MDFIC2: variants seen among roughly 807,000 people sequenced by gnomAD.
MDFIC2 encodes the protein myoD family inhibitor domain-containing protein 2.
At chr3:70,307,506 C>T (rs999075742) in intron 2 of MDFIC2, among the ~76,000 whole-genome samples, 1 of 151,920 alleles carries the variant, frequency 6.6e-6, no homozygotes, top group Non-Finnish European at 1.5e-5. Context: ...CTGTAATTTC[C>T]CCCCCCAATT....
At chr3:70,258,427 C>CAGAG in intron 2 of MDFIC2, among the ~76,000 whole-genome samples, 1 of 150,986 alleles carries the variant, frequency 6.6e-6, no homozygotes, top group Middle Eastern at 3.4e-3. Flanking sequence ...TATGTATTTA[C>CAGAG]AGAGAGAGAG....
At chr3:70,211,848 C>T (rs1701353672) in intron 2 of MDFIC2, among the ~76,000 whole-genome samples, 1 of 144,252 alleles carries the variant, frequency 6.9e-6, no homozygotes, top group Admixed American at 7.1e-5. Flanking sequence ...CTTTTCCTTC[C>T]TTTCTGCTTT....
chr3:70,212,757 A>G (rs772042378), intron 2 of MDFIC2, among the ~76,000 whole-genome samples: 13 of 152,000 alleles, frequency 8.6e-5, no homozygotes, highest in Non-Finnish European at 1.3e-4. Context: ...CACAAGTATT[A>G]ATGGCTCACT....
At position 70,217,126 on chromosome 3, in the gene MDFIC2, C is replaced by T. The variant is rs115919540; in HGVS notation, c.89-10336G>A. ...TTCCCACCCTTGACCAAAATGCTGC[C>T]TAATGAAAGTTTGTCTGTGTCAATT... On this transcript the variant is annotated intron_variant, in intron 2 of 3. Transcript: ENST00000567252. Among the ~76,000 whole-genome samples, 491 of 152,098 alleles carry T rather than the reference C, an allele frequency of 3.2e-3. 3 individuals are homozygous for T. Among genetic ancestry groups the T allele is most frequent in the African/African-American group, 0.011 (468 of 41,504 alleles).
intron 2 of MDFIC2, among the ~76,000 whole-genome samples, chr3:70,276,177 T>TA (rs1702023785): frequency 6.6e-6 from 1 of 152,190 alleles, no homozygotes; most frequent in Non-Finnish European, 1.5e-5. Context: ...GTTAGGTATA[T>TA]AGCAGGTGTT....
chr3:70,253,827 T>C (rs1701790916), intron 2 of MDFIC2, among the ~76,000 whole-genome samples: 1 of 152,196 alleles, frequency 6.6e-6, no homozygotes, highest in Non-Finnish European at 1.5e-5. Context: ...TTTAGAAAGA[T>C]GTGAAACTCT....
At chr3:70,259,643 C>T (rs1206688149) in intron 2 of MDFIC2, among the ~76,000 whole-genome samples, 1 of 152,110 alleles carries the variant, frequency 6.6e-6, no homozygotes, top group Admixed American at 6.6e-5. Flanking sequence ...GAAAGTCTGA[C>T]GTGTAAGGTC....
intron 2 of MDFIC2, among the ~76,000 whole-genome samples, chr3:70,270,444 T>G (rs1339048125): frequency 6.6e-6 from 1 of 152,176 alleles, no homozygotes; most frequent in African/African-American, 2.4e-5. Flanking sequence ...AGCACTAAGT[T>G]TTGTGTTTCA....
chr3:70,252,820 C>T (rs1001542093), intron 2 of MDFIC2, among the ~76,000 whole-genome samples: 1 of 152,144 alleles, frequency 6.6e-6, no homozygotes, highest in Non-Finnish European at 1.5e-5. Flanking sequence ...TGGCTCATGC[C>T]TGTAATCCCA....
intron 2 of MDFIC2, among the ~76,000 whole-genome samples, chr3:70,264,294 T>C (rs1701894502): frequency 1.3e-5 from 2 of 152,242 alleles, no homozygotes; most frequent in South Asian, 4.1e-4. Flanking sequence ...AAGTATACTT[T>C]TGCAATTTGC....
chr3:70,206,015 C>T (rs572442208), intron 3 of MDFIC2: 1 of 152,016 alleles, frequency 6.6e-6, no homozygotes, highest in African/African-American at 2.4e-5. Flanking sequence ...GAAATGTACT[C>T]TTTATGTCAT....
chr3:70,290,711 G>A (rs1294242777), intron 2 of MDFIC2, among the ~76,000 whole-genome samples: 8 of 152,140 alleles, frequency 5.3e-5, no homozygotes, highest in Non-Finnish European at 1.0e-4. Context: ...CAATCAGTGA[G>A]ACTCCGTGGG....
intron 3 of MDFIC2, among the ~76,000 whole-genome samples, chr3:70,200,122 G>A (rs764504297): frequency 2.6e-5 from 4 of 151,976 alleles, no homozygotes; most frequent in Non-Finnish European, 4.4e-5. Context: ...ATTCGTATTC[G>A]AAATCCACAA....
intron 2 of MDFIC2, among the ~76,000 whole-genome samples, chr3:70,250,834 G>A (rs1280729946): frequency 6.6e-6 from 1 of 152,058 alleles, no homozygotes; most frequent in African/African-American, 2.4e-5. Context: ...TTCTTTTCAG[G>A]GAAAGCCAGG....
chr3:70,287,863 T>C (rs1702183870), intron 2 of MDFIC2, among the ~76,000 whole-genome samples: 1 of 152,046 alleles, frequency 6.6e-6, no homozygotes, highest in Non-Finnish European at 1.5e-5. Context: ...TTTGTAGTAT[T>C]CTCTGATGGT....
intron 2 of MDFIC2, among the ~76,000 whole-genome samples, chr3:70,278,002 C>T (rs915931109): frequency 6.6e-6 from 1 of 152,092 alleles, no homozygotes; most frequent in Non-Finnish European, 1.5e-5. Flanking sequence ...TAAGTATATA[C>T]ATTGATCCGT....
chr3:70,287,501 A>G (rs1388295322), intron 2 of MDFIC2, among the ~76,000 whole-genome samples: 1 of 151,902 alleles, frequency 6.6e-6, no homozygotes, highest in African/African-American at 2.4e-5. Context: ...TTCATTAAGG[A>G]TATTGGTCTA....
chr3:70,218,921 C>T (rs1701438094), intron 2 of MDFIC2, among the ~76,000 whole-genome samples: 1 of 151,822 alleles, frequency 6.6e-6, no homozygotes, highest in Non-Finnish European at 1.5e-5. Flanking sequence ...AATAAGCTAC[C>T]ACAAAGTTAG....
chr3:70,272,661 C>G (rs891613522), intron 2 of MDFIC2, among the ~76,000 whole-genome samples: 2 of 152,134 alleles, frequency 1.3e-5, no homozygotes, highest in Admixed American at 6.5e-5. Context: ...GTATGTTTAA[C>G]TTTATAAAAA....
Sources: allele counts gnomAD v4.1 joint callset (sites outside exome capture counted in the v4.1 genomes callset), GRCh38; gene constraint gnomAD v4.1.1; transcripts MANE v1.5; gene names NCBI Gene and HGNC (gene_info 2026-07-23, HGNC 2026-07-21).